RAPGEF2: variants seen among roughly 807,000 people sequenced by gnomAD.
RAPGEF2 encodes Rap guanine nucleotide exchange factor 2, also known as PDZ domain containing guanine nucleotide exchange factor (GEF) 1.
A neutral mutation model predicts 186.7 loss-of-function variants in RAPGEF2; 54 were observed. The observed-to-expected ratio is 0.29, with a 90% confidence interval of 0.23 to 0.36. The LOEUF (loss-of-function observed/expected upper bound fraction) is 0.36, where lower values mean the gene tolerates loss of function less well. Ranked by LOEUF, RAPGEF2 falls within the 10% of genes least tolerant of loss-of-function variation. The probability of loss-of-function intolerance (pLI) is 1.00; values close to 1 mark genes in which losing one functional copy is unlikely to be tolerated. For synonymous variants in RAPGEF2, 712 were observed against 705.9 expected (o/e 1.01, Z -0.14); for missense variants, 1,532 against 2,045.0 (o/e 0.75, Z 4.84).
chr4:159,344,993 TGAGGCATGTGACCTTTTGAAC>T, intron 23 of RAPGEF2, 92 bp from the exon 24 acceptor site: 1 of 797,652 alleles, frequency 1.3e-6, no homozygotes, highest in Non-Finnish European at 2.1e-6. Context: ...CTCACTGGAA[TGAGGCATGTGACCTTTTGAAC>T]ATAGACTATT....
rs187967652 is a variant in RAPGEF2 at position 159,241,187 on chromosome 4, G to A, written c.358-14G>A. On this transcript the variant is annotated splice_polypyrimidine_tract_variant and intron_variant, in intron 5 of 29. Coordinates refer to ENST00000691494, the MANE Select transcript of RAPGEF2 (RefSeq NM_001394067.2). ...GTGTTTGGAGAAATGAAATTTTGGG[G>A]GGTTTTATTTCAGGTGGACTATATG... The A allele has an allele frequency of 1.4e-5, 20 of 1,477,822 alleles. No homozygotes were observed. The highest frequency in any genetic ancestry group is 2.3e-5 in the Admixed American group (1 of 44,416). The allele number at this position is 1,477,822 out of a possible 1,614,324, so 91.5% of individuals were successfully genotyped here. A position where few individuals can be genotyped will look rare whatever the true frequency, so the allele number is the denominator to read the frequency against.
intron 4 of RAPGEF2, among the ~76,000 whole-genome samples, chr4:159,212,376 T>C (rs1038576028): frequency 3.3e-5 from 5 of 152,122 alleles, no homozygotes; most frequent in Admixed American, 6.5e-5. Context: ...TACATATAAT[T>C]TAATATAAAA....
At chr4:159,331,006 C>T (rs1766613880) in intron 13 of RAPGEF2, among the ~76,000 whole-genome samples, 2 of 152,288 alleles carry the variant, frequency 1.3e-5, no homozygotes, top group South Asian at 4.1e-4. Context: ...TTATCTCCTT[C>T]CTTTTATATT....
rs1000748630 is a variant in RAPGEF2, at chr4:159,206,055, G to A, written c.198-4445G>A. ...CGCCATTCTCCTGCCTCAGCCTCCC[G>A]AGTAGCTGGGACTACTGGCACCGCC... On this transcript the variant is annotated intron_variant, in intron 3 of 29. Transcript: ENST00000691494. Among the ~76,000 whole-genome samples the A allele has an allele frequency of 5.9e-5, 9 of 151,808 alleles. No homozygotes were observed. The East Asian group carries it at 1.2e-3, about 20-fold the overall frequency.
chr4:159,134,222 A>G (rs1330929823), intron 1 of RAPGEF2, among the ~76,000 whole-genome samples: 4 of 152,170 alleles, frequency 2.6e-5, no homozygotes, highest in Non-Finnish European at 5.9e-5. Context: ...TGTACTGTAC[A>G]TGGAGTCATA....
In RAPGEF2 at chr4:159,355,532, G is replaced by A. The variant is rs535229746; in HGVS notation, c.4652-321G>A. On this transcript the variant is annotated intron_variant, in intron 28 of 29. Coordinates refer to ENST00000691494, the MANE Select transcript of RAPGEF2 (RefSeq NM_001394067.2). ...GCTTCAGTCTTTCCAATAAATCCAG[G>A]GGTTAGGTTTTAATCTTACTATTTT... Among the ~76,000 whole-genome samples the A allele has an allele frequency of 7.2e-5, 11 of 152,214 alleles. No homozygotes were observed. In the South Asian group the frequency reaches 2.3e-3, roughly 32 times the overall value.
chr4:159,156,370 AAAAAG>A (rs1466244493), intron 1 of RAPGEF2, among the ~76,000 whole-genome samples: 6 of 152,206 alleles, frequency 3.9e-5, no homozygotes, highest in Non-Finnish European at 8.8e-5. Flanking sequence ...ACACAACTAA[AAAAAG>A]AAAAGAATCT....
intron 24 of RAPGEF2, 84 bp downstream of exon 24, chr4:159,345,413 A>G: frequency 7.9e-7 from 1 of 1,269,592 alleles, no homozygotes; most frequent in Admixed American, 1.8e-5. Flanking sequence ...GTGACAAAAT[A>G]AGGCTTAGTG....
chr4:159,339,449 G>T, intron 19 of RAPGEF2, 95 bp downstream of exon 19: 1 of 1,401,618 alleles, frequency 7.1e-7, no homozygotes, highest in South Asian at 1.4e-5. Flanking sequence ...TTTTTTAAAT[G>T]AGTAAGTGTC....
intron 3 of RAPGEF2, among the ~76,000 whole-genome samples, chr4:159,206,168 G>A (rs1561084896): frequency 6.6e-6 from 1 of 152,174 alleles, no homozygotes; most frequent in African/African-American, 2.4e-5. Context: ...CTGACCTCGT[G>A]ATCCACCCAC....
intron 3 of RAPGEF2, among the ~76,000 whole-genome samples, chr4:159,199,343 T>C (rs1304075068): frequency 6.6e-6 from 1 of 152,132 alleles, no homozygotes; most frequent in Non-Finnish European, 1.5e-5. Flanking sequence ...AGCAGAAGAG[T>C]ATTTAAATAA....
chr4:159,125,792 T>C (rs1175756658), intron 1 of RAPGEF2, among the ~76,000 whole-genome samples: 1 of 151,870 alleles, frequency 6.6e-6, no homozygotes. Context: ...GCTGTTATAG[T>C]CTGTGCATCT....
chr4:159,216,309 G>C (rs933282071), intron 4 of RAPGEF2, among the ~76,000 whole-genome samples: 1 of 152,176 alleles, frequency 6.6e-6, no homozygotes, highest in South Asian at 2.1e-4. Flanking sequence ...TAAGTTGTAC[G>C]GTGTAAATTG....
intron 1 of RAPGEF2, among the ~76,000 whole-genome samples, chr4:159,123,886 A>G (rs962273074): frequency 8.4e-6 from 1 of 119,296 alleles, no homozygotes; most frequent in Non-Finnish European, 1.8e-5. Flanking sequence ...ACATGGTTTC[A>G]CTCTTCTTGC....
intron 7 of RAPGEF2, among the ~76,000 whole-genome samples, chr4:159,251,002 G>A (rs1219239737): frequency 6.6e-6 from 1 of 152,232 alleles, no homozygotes; most frequent in African/African-American, 2.4e-5. Flanking sequence ...AGGCTTAGCA[G>A]GCCCTGCACT....
intron 1 of RAPGEF2, among the ~76,000 whole-genome samples, chr4:159,119,283 G>A (rs1739404634): frequency 6.6e-6 from 1 of 152,040 alleles, no homozygotes; most frequent in African/African-American, 2.4e-5. Context: ...AATGGTAGTT[G>A]CCTCAATAAT....
At chr4:159,226,521 A>C (rs560427427) in intron 4 of RAPGEF2, among the ~76,000 whole-genome samples, 1 of 152,258 alleles carries the variant, frequency 6.6e-6, no homozygotes, top group African/African-American at 2.4e-5. Flanking sequence ...AATGTTTGTT[A>C]GGATTTGGTT....
chr4:159,322,270 A>G, intron 9 of RAPGEF2, 77 bp from the exon 10 acceptor site: 1 of 1,349,846 alleles, frequency 7.4e-7, no homozygotes, highest in Non-Finnish European at 1.0e-6. Flanking sequence ...AAAAGAAAGG[A>G]CCCTAAAACA....
At chr4:159,231,527 A>G (rs1752645462) in intron 4 of RAPGEF2, among the ~76,000 whole-genome samples, 2 of 152,278 alleles carry the variant, frequency 1.3e-5, no homozygotes, top group South Asian at 4.1e-4. Flanking sequence ...AGAACCTCAA[A>G]TATATGACCA....
Sources: gnomAD v4.1 joint callset for allele counts (sites outside exome capture counted in the v4.1 genomes callset) on GRCh38, gnomAD v4.1.1 for gene constraint, MANE v1.5 for transcripts, NCBI Gene and HGNC (gene_info 2026-07-23, HGNC 2026-07-21) for gene names.